The following ATPAF1 variants were observed in gnomAD, a reference collection of about 807,000 sequenced individuals.
ATPAF1 encodes the protein ATP synthase mitochondrial F1 complex assembly factor 1, also known as homolog of yeast ATP11.
In ATPAF1, 26 loss-of-function variants were observed where a neutral mutation model predicts 43.9. The observed-to-expected ratio is 0.59, with a 90% CI of 0.43 to 0.82. The LOEUF (loss-of-function observed/expected upper bound fraction) is 0.82, where lower values mean the gene tolerates loss of function less well. Ranked by LOEUF, ATPAF1 falls within the 40% of genes least tolerant of loss-of-function variation. ATPAF1 has a pLI of 0.00. For missense variants in ATPAF1, 366 were observed against 435.0 expected, an observed-to-expected ratio of 0.84 and a Z score of 1.41; for synonymous variants, 157 against 168.0, an observed-to-expected ratio of 0.93 and a Z score of 0.50.
intron 6 of ATPAF1, 91 bp downstream of exon 6, chr1:46,652,490 G>C: frequency 1.5e-6 from 2 of 1,299,170 alleles, no homozygotes; most frequent in Non-Finnish European, 2.2e-6. Flanking sequence ...ACTATAACAT[G>C]TGAGACAGTA....
At chr1:46,662,068 G>A (rs1238428369) in intron 2 of ATPAF1, among the ~76,000 whole-genome samples, 2 of 151,392 alleles carry the variant, frequency 1.3e-5, no homozygotes, top group Admixed American at 1.3e-4. Context: ...CTAATTTTTT[G>A]TATTTTTAGT....
chr1:46,664,029 C>T, intron 2 of ATPAF1: 2 of 558,414 alleles, frequency 3.6e-6, no homozygotes, highest in Middle Eastern at 3.5e-4. Flanking sequence ...GAATGGACTG[C>T]ATGTTGTAAA....
intron 8 of ATPAF1, among the ~76,000 whole-genome samples, chr1:46,636,385 A>G (rs1675841896): frequency 6.6e-6 from 1 of 152,212 alleles, no homozygotes; most frequent in Non-Finnish European, 1.5e-5. Flanking sequence ...TAAGACAGCA[A>G]CAGTTACCCA....
At chr1:46,652,592 A>G in exon 6 of ATPAF1, 5 of 1,613,464 alleles carry the variant, frequency 3.1e-6, no homozygotes, top group Non-Finnish European at 4.2e-6. Flanking sequence ...GTTGGACAGG[A>G]CTGAGCCCGG....
rs556802257 is a variant in ATPAF1 at position 46,661,222 on chromosome 1, G to A, written c.376-2485C>T. On this transcript the variant is annotated intron_variant, in intron 2 of 8. Transcript: ENST00000574428. ...TGAGTAGCTGGGATTACAGGCATGC[G>A]CCACCATGCCTGGCTAATTTTTCTT... Among the ~76,000 whole-genome samples the A allele has an allele frequency of 5.9e-5, 9 of 152,080 alleles. No individual in the cohort carries two copies. The South Asian group carries it at 6.2e-4, about 11-fold the overall frequency.
chr1:46,655,960 C>A (rs1317926537), intron 4 of ATPAF1, among the ~76,000 whole-genome samples: 1 of 152,190 alleles, frequency 6.6e-6, no homozygotes, highest in Non-Finnish European at 1.5e-5. Context: ...AGTTTGCAAG[C>A]CCCCTGTAGG....
At chr1:46,663,951 T>C (rs1241921977) in intron 2 of ATPAF1, 15 of 1,241,098 alleles carry the variant, frequency 1.2e-5, no homozygotes, top group Non-Finnish European at 1.5e-5. Flanking sequence ...AAATAATAGG[T>C]TGTGAAATAC....
chr1:46,635,085 A>AT (rs1322736467), exon 9 of ATPAF1: 2 of 152,648 alleles, frequency 1.3e-5, no homozygotes, highest in African/African-American at 4.8e-5. Context: ...GCACTGATTC[A>AT]TTCCTTCAAA....
At chr1:46,651,771 C>T (rs984140193) in intron 6 of ATPAF1, among the ~76,000 whole-genome samples, 1 of 151,974 alleles carries the variant, frequency 6.6e-6, no homozygotes, top group African/African-American at 2.4e-5. Context: ...AAAATTTTTG[C>T]AACCTACTCA....
downstream of ATPAF1, chr1:46,633,212 G>A (rs1362295405): frequency 6.4e-6 from 1 of 155,514 alleles, no homozygotes; most frequent in Non-Finnish European, 1.4e-5. Flanking sequence ...GCATCTTAAA[G>A]TTTCAGAACT....
Position 46,658,121 on chromosome 1 carries a change from C to T in ATPAF1, c.489+6G>A. On this transcript the variant is annotated splice_donor_region_variant and intron_variant, in intron 4 of 8. Transcript: ENST00000574428. ...TAGAGTAGGCCAGCCCATTTCCATT[C>T]ATTACCTGTTTTATTTCTTCTGCAG... 1 of 1,609,148 alleles carries T rather than the reference C, an allele frequency of 6.2e-7. No individual in the cohort carries two copies. Among genetic ancestry groups the T allele is most frequent in the Middle Eastern group, 1.7e-4 (1 of 6,056 alleles).
chr1:46,661,565 A>G (rs1197509325), intron 2 of ATPAF1, among the ~76,000 whole-genome samples: 4 of 152,188 alleles, frequency 2.6e-5, no homozygotes, highest in African/African-American at 9.7e-5. Flanking sequence ...TCTTTATATT[A>G]TGGTTAGGGC....
chr1:46,660,228 C>T (rs1223122989), intron 2 of ATPAF1, among the ~76,000 whole-genome samples: 4 of 152,072 alleles, frequency 2.6e-5, no homozygotes, highest in African/African-American at 4.8e-5. Flanking sequence ...CTGCCCGCTT[C>T]GGCCTCCCAA....
chr1:46,639,785 A>G (rs1006956110), intron 8 of ATPAF1, among the ~76,000 whole-genome samples: 2 of 152,220 alleles, frequency 1.3e-5, no homozygotes, highest in Admixed American at 6.5e-5. Context: ...CTCACAGTCA[A>G]GTTGATTTAT....
At chr1:46,652,541 A>G (rs961894321) in intron 6 of ATPAF1, 40 bp downstream of exon 6, 1 of 1,591,122 alleles carries the variant, frequency 6.3e-7, no homozygotes, top group South Asian at 1.1e-5. Context: ...TTGTTTGGCA[A>G]CATTGATAAG....
intron 1 of ATPAF1, among the ~76,000 whole-genome samples, chr1:46,667,308 T>C (rs1444018320): frequency 6.6e-6 from 1 of 152,178 alleles, no homozygotes; most frequent in Non-Finnish European, 1.5e-5. Context: ...ACTACCTTCT[T>C]ACCCTGCTAA....
chr1:46,658,000 C>A, intron 4 of ATPAF1, 127 bp downstream of exon 4: 1 of 871,020 alleles, frequency 1.1e-6, no homozygotes, highest in East Asian at 2.6e-5. Flanking sequence ...TCAAGTAATT[C>A]ATCACTTTTG....
Position 46,652,692 on chromosome 1 carries a change from T to C in ATPAF1, c.541-64A>G, listed in dbSNP as rs528162036. ...TAAAACACAAAAGGCCACTATCACA[T>C]GTAATTCACCAAGACTGAATTCTAG... On this transcript the variant is annotated intron_variant, in intron 5 of 8. Coordinates refer to ENST00000574428, the Ensembl canonical transcript of ATPAF1. The C allele has an allele frequency of 1.8e-4, 247 of 1,363,098 alleles. 2 individuals are homozygous for C. In the South Asian group the frequency reaches 2.9e-3, roughly 16 times the overall value. 84.4% of individuals were successfully genotyped at this position (1,363,098 alleles called of 1,614,324 possible).
At chr1:46,661,179 TCTC>T (rs1253124679) in intron 2 of ATPAF1, among the ~76,000 whole-genome samples, 1 of 151,954 alleles carries the variant, frequency 6.6e-6, no homozygotes, top group Non-Finnish European at 1.5e-5. Flanking sequence ...TTCAAGCAAT[TCTC>T]CTGCCTCAGC....
Sources: gnomAD v4.1 joint callset for allele counts (sites outside exome capture counted in the v4.1 genomes callset) on GRCh38, gnomAD v4.1.1 for gene constraint, MANE v1.5 for transcripts, NCBI Gene and HGNC (gene_info 2026-07-23, HGNC 2026-07-21) for gene names.